The following EPHA6 variants were observed in gnomAD, a reference collection of about 807,000 sequenced individuals.
EPHA6 encodes ephrin type-A receptor 6.
A neutral mutation model predicts 112.0 loss-of-function variants in EPHA6; 50 were observed. The ratio of observed to expected loss-of-function variants is 0.45; its 90% confidence interval spans 0.36 to 0.56. The LOEUF (loss-of-function observed/expected upper bound fraction) is 0.56. Ranked by LOEUF, EPHA6 falls within the 20% of genes least tolerant of loss-of-function variation. EPHA6 has a pLI of 0.00. For missense variants in EPHA6, 1,280 were observed against 1,417.4 expected, an observed-to-expected ratio of 0.90 and a Z score of 1.56; for synonymous variants, 529 against 490.7, an observed-to-expected ratio of 1.08 and a Z score of -1.03.
At chr3:96,940,742 G>A (rs1430169734) in intron 2 of EPHA6, among the ~76,000 whole-genome samples, 2 of 152,120 alleles carry the variant, frequency 1.3e-5, no homozygotes, top group Non-Finnish European at 2.9e-5. Flanking sequence ...GGTACCGGTT[G>A]TTCCTTTCCA....
intron 12 of EPHA6, among the ~76,000 whole-genome samples, chr3:97,593,566 A>G (rs2093563367): frequency 6.6e-6 from 1 of 152,188 alleles, no homozygotes. Context: ...TATTGTTATG[A>G]CATCAATGTA....
At chr3:97,142,574 G>C (rs1041725436) in intron 3 of EPHA6, among the ~76,000 whole-genome samples, 5 of 151,846 alleles carry the variant, frequency 3.3e-5, no homozygotes, top group African/African-American at 4.8e-5. Context: ...GAGGAAACAG[G>C]TAAATTTCTG....
intron 3 of EPHA6, among the ~76,000 whole-genome samples, chr3:96,994,728 T>TAGAGAGAGAGAGAGAGAGAGAGAGAG (rs1455826302): frequency 8.9e-5 from 7 of 78,852 alleles, no homozygotes; most frequent in African/African-American, 5.4e-4. Flanking sequence ...TATATATATA[T>TAGAGAGAGAGAGAGAGAGAGAGAGAG]ATATAGAGAG....
At chr3:97,042,864 C>G (rs2108058544) in intron 3 of EPHA6, among the ~76,000 whole-genome samples, 1 of 152,276 alleles carries the variant, frequency 6.6e-6, no homozygotes, top group Admixed American at 6.5e-5. Context: ...CACTCACATT[C>G]TCTGCAGCAG....
intron 2 of EPHA6, among the ~76,000 whole-genome samples, chr3:96,941,193 T>G (rs2040920177): frequency 6.6e-6 from 1 of 152,206 alleles, no homozygotes; most frequent in South Asian, 2.1e-4. Flanking sequence ...CTGCAGAGTG[T>G]TTTCCAACTT....
Position 97,481,705 on chromosome 3 carries a change from C to G in EPHA6, c.2075-2229C>G, listed in dbSNP as rs531204879. ...GCCCCGCACCGCCCCGGCCCCGCCC[C>G]CTGTGAGGAACTTTTATACAGTAAG... On this transcript the variant is annotated intron_variant, in intron 9 of 17. Coordinates refer to ENST00000389672, the MANE Select transcript of EPHA6 (RefSeq NM_001080448.3). Among the ~76,000 whole-genome samples the G allele has an allele frequency of 1.1e-4, 17 of 152,258 alleles. No homozygotes were observed. The South Asian group carries it at 2.9e-3, about 26-fold the overall frequency.
At chr3:96,984,992 G>T (rs190539851) in intron 2 of EPHA6, among the ~76,000 whole-genome samples, 1 of 152,150 alleles carries the variant, frequency 6.6e-6, no homozygotes, top group Admixed American at 6.5e-5. Context: ...GACCCCTTGC[G>T]CTTCCTGGGT....
chr3:97,653,665 A>T (rs1405031195), intron 14 of EPHA6, among the ~76,000 whole-genome samples: 1 of 152,014 alleles, frequency 6.6e-6, no homozygotes, highest in African/African-American at 2.4e-5. Flanking sequence ...ATATAATCAA[A>T]GGAAATGAAA....
At chr3:97,336,256 C>T (rs568277401) in intron 5 of EPHA6, among the ~76,000 whole-genome samples, 75 of 152,112 alleles carry the variant, frequency 4.9e-4, no homozygotes, top group Non-Finnish European at 9.6e-4. Flanking sequence ...TAAGTTCCTC[C>T]CAAAGTTAGT....
At position 97,281,458 on chromosome 3, in the gene EPHA6, A is replaced by G. The variant is rs149760297; in HGVS notation, c.1606+37171A>G. ...ATGAGTAAATTTAGATATTTTTCAT[A>G]CTGCTAAGGGAGCACAAACCCTCAG... is the stretch of plus-strand genomic sequence containing the variant. On this transcript the variant is annotated intron_variant, in intron 5 of 17. Transcript: ENST00000389672. 9.0e-4 allele frequency among the ~76,000 whole-genome samples: 137 copies of G among 152,244 alleles called. 2 individuals are homozygous for G. The East Asian group carries it at 0.021, about 23-fold the overall frequency.
At chr3:96,964,705 A>G (rs1448781403) in intron 2 of EPHA6, among the ~76,000 whole-genome samples, 1 of 152,154 alleles carries the variant, frequency 6.6e-6, no homozygotes, top group African/African-American at 2.4e-5. Flanking sequence ...GCTCTGATGA[A>G]TGTACTTATC....
intron 2 of EPHA6, among the ~76,000 whole-genome samples, chr3:96,928,990 T>G (rs2040180531): frequency 6.6e-6 from 1 of 152,216 alleles, no homozygotes. Flanking sequence ...TCAGTCTCAA[T>G]ATTTTGAGCC....
chr3:96,944,671 A>G (rs773059676), intron 2 of EPHA6, among the ~76,000 whole-genome samples: 16 of 152,288 alleles, frequency 1.1e-4, no homozygotes, highest in Non-Finnish European at 1.9e-4. Context: ...CTGTAAAATA[A>G]CTCGATATTA....
At chr3:97,037,759 G>A (rs914852823) in intron 3 of EPHA6, among the ~76,000 whole-genome samples, 1 of 152,036 alleles carries the variant, frequency 6.6e-6, no homozygotes, top group African/African-American at 2.4e-5. Context: ...AATAAAGGCA[G>A]TGACATACAA....
chr3:97,613,235 A>G (rs900069919), intron 13 of EPHA6, among the ~76,000 whole-genome samples: 3 of 152,116 alleles, frequency 2.0e-5, no homozygotes, highest in African/African-American at 4.8e-5. Context: ...GAAATAAAAT[A>G]TATAAATATA....
chr3:97,292,508 T>C (rs2080722573), intron 5 of EPHA6, among the ~76,000 whole-genome samples: 1 of 152,218 alleles, frequency 6.6e-6, no homozygotes, highest in Non-Finnish European at 1.5e-5. Flanking sequence ...AGGCAGCTCC[T>C]TTCGGCAAGC....
intron 3 of EPHA6, among the ~76,000 whole-genome samples, chr3:97,120,302 T>C (rs1161909535): frequency 1.3e-5 from 2 of 151,998 alleles, no homozygotes; most frequent in Non-Finnish European, 2.9e-5. Flanking sequence ...TTCTTTCTCT[T>C]CTAGAAACAG....
intron 2 of EPHA6, among the ~76,000 whole-genome samples, chr3:96,970,275 A>T (rs1262575618): frequency 6.7e-6 from 1 of 150,010 alleles, no homozygotes; most frequent in Admixed American, 7.0e-5. Context: ...ACAAACACAC[A>T]CACACACAGA....
intron 14 of EPHA6, among the ~76,000 whole-genome samples, chr3:97,638,518 C>G (rs2093971108): frequency 1.3e-5 from 2 of 152,090 alleles, no homozygotes; most frequent in Admixed American, 1.3e-4. Flanking sequence ...TCTGATCATA[C>G]TTATAAAGAA....
Sources: allele counts gnomAD v4.1 joint callset (sites outside exome capture counted in the v4.1 genomes callset), GRCh38; gene constraint gnomAD v4.1.1; transcripts MANE v1.5; gene names NCBI Gene and HGNC (gene_info 2026-07-23, HGNC 2026-07-21).